TMIGD1: variants seen among roughly 807,000 people sequenced by gnomAD.
The protein encoded by TMIGD1 is transmembrane and immunoglobulin domain containing 1.
TMIGD1 carries 29 observed loss-of-function variants against 27.5 expected under a neutral mutation model. The ratio of observed to expected loss-of-function variants is 1.05; its 90% CI spans 0.78 to 1.44. TMIGD1 has a LOEUF of 1.44. TMIGD1 is among the 40% of genes most tolerant of loss of function. TMIGD1 has a pLI of 0.00. For missense variants in TMIGD1, 334 were observed against 310.6 expected (o/e 1.08, Z -0.57); for synonymous variants, 109 against 110.3 (o/e 0.99, Z 0.07).
intron 6 of TMIGD1, 90 bp downstream of exon 6, chr17:30,317,103 T>A: frequency 7.8e-6 from 11 of 1,415,530 alleles, no homozygotes; most frequent in Non-Finnish European, 1.1e-5. Context: ...TTCCAGCACC[T>A]CCCATCTCTG....
chr17:30,329,153 T>C (rs976543854), intron 3 of TMIGD1, 98 bp downstream of exon 3: 17 of 1,444,770 alleles, frequency 1.2e-5, no homozygotes, highest in South Asian at 5.2e-5. Flanking sequence ...GGAGCATAAA[T>C]TGGGCAATTT....
intron 3 of TMIGD1, among the ~76,000 whole-genome samples, chr17:30,325,560 C>T (rs941604757): frequency 7.7e-6 from 1 of 130,270 alleles, no homozygotes; most frequent in Admixed American, 8.2e-5. Context: ...CTCTGTTTCT[C>T]ATGTAAAAAA....
chr17:30,325,135 A>T (rs768623722), intron 3 of TMIGD1, 41 bp from the exon 4 acceptor site: 2 of 1,566,654 alleles, frequency 1.3e-6, no homozygotes, highest in Non-Finnish European at 1.7e-6. Context: ...GCAGATAAGC[A>T]ATAGTTCACT....
chr17:30,333,526 T>C (rs1172985331), intron 1 of TMIGD1, among the ~76,000 whole-genome samples: 1 of 152,212 alleles, frequency 6.6e-6, no homozygotes, highest in East Asian at 1.9e-4. Flanking sequence ...TCTCTCCCCT[T>C]AACACCAGTA....
At chr17:30,328,968 CAAA>C (rs34701131) in intron 3 of TMIGD1, among the ~76,000 whole-genome samples, 1 of 86,964 alleles carries the variant, frequency 1.1e-5, no homozygotes, top group Non-Finnish European at 2.2e-5. Flanking sequence ...GACTCTGTCT[CAAA>C]AAAAAAAAAA....
intron 1 of TMIGD1, among the ~76,000 whole-genome samples, chr17:30,332,519 T>C (rs544074892): frequency 7.2e-5 from 11 of 152,288 alleles, no homozygotes; most frequent in African/African-American, 2.6e-4. Context: ...AAAGTAATTC[T>C]TGTTCTGAAA....
At position 30,324,956 on chromosome 17, in the gene TMIGD1, CT is replaced by C; in HGVS notation, c.499del (p.Ser167AlafsTer35). The C allele has an allele frequency of 6.2e-7, 1 of 1,614,106 alleles. No homozygotes were observed. Among genetic ancestry groups the C allele is most frequent in the Non-Finnish European group, 8.5e-7 (1 of 1,179,990 alleles). The part of the protein sequence containing the change: ...KNSSLLDLEK[S>X]RHQIQQTSES... ...ACTTGTCTGTTGGATTTGGTGACGG[CT>C]TTTCTCTAAATCGAGGAGACTACTG... On this transcript the variant is annotated frameshift_variant, in exon 4 of 7. Transcript: ENST00000328886. LOFTEE classifies it high-confidence loss of function.
At chr17:30,317,053 A>T (rs1909437379) in intron 6 of TMIGD1, 140 bp downstream of exon 6, 1 of 1,027,878 alleles carries the variant, frequency 9.7e-7, no homozygotes, top group Admixed American at 1.9e-5. Flanking sequence ...GTGGAGGCAG[A>T]TTTTCCTCCA....
At chr17:30,318,663 G>T in intron 5 of TMIGD1, 147 bp downstream of exon 5, 1 of 568,816 alleles carries the variant, frequency 1.8e-6, no homozygotes, top group Non-Finnish European at 3.1e-6. Context: ...TTATTCCCTT[G>T]AGCAACTGTA....
chr17:30,331,045 A>G (rs1476402100), intron 2 of TMIGD1, among the ~76,000 whole-genome samples: 1 of 152,102 alleles, frequency 6.6e-6, no homozygotes, highest in Non-Finnish European at 1.5e-5. Flanking sequence ...ATACAAAAAA[A>G]TTAGCCAGGC....
At chr17:30,319,261 A>AAAAAAAAAAATATATATATATATATATAT in intron 4 of TMIGD1, among the ~76,000 whole-genome samples, 3 of 69,036 alleles carry the variant, frequency 4.3e-5, no homozygotes, top group African/African-American at 1.8e-4. Context: ...AAAAAAAAAA[A>AAAAAAAAAAATATATATATATATATATAT]ATATATATAT....
intron 3 of TMIGD1, 77 bp from the exon 4 acceptor site, chr17:30,325,171 T>C: frequency 1.4e-6 from 2 of 1,458,958 alleles, no homozygotes; most frequent in South Asian, 2.7e-5. Flanking sequence ...CTTCCTTCAA[T>C]CTATCTCATG....
intron 4 of TMIGD1, among the ~76,000 whole-genome samples, chr17:30,319,589 C>A (rs1431832892): frequency 6.6e-6 from 1 of 151,768 alleles, no homozygotes; most frequent in African/African-American, 2.4e-5. Flanking sequence ...TTGCCACACA[C>A]AGAGCAGAAG....
At chr17:30,321,054 C>T (rs531277415) in intron 4 of TMIGD1, among the ~76,000 whole-genome samples, 5 of 152,170 alleles carry the variant, frequency 3.3e-5, no homozygotes, top group Admixed American at 1.3e-4. Flanking sequence ...GACAGTGTTT[C>T]GCCATGTTGG....
intron 4 of TMIGD1, among the ~76,000 whole-genome samples, chr17:30,319,261 A>AATATATATATATATATAT (rs1175035556): frequency 1.2e-3 from 85 of 68,702 alleles, no homozygotes; most frequent in Middle Eastern, 7.0e-3. Context: ...AAAAAAAAAA[A>AATATATATATATATATAT]ATATATATAT....
At position 30,316,345 on chromosome 17, in the gene TMIGD1, TTTG is replaced by T; in HGVS notation, c.*339_*341del. 1 of 195,376 alleles carries T rather than the reference TTTG, an allele frequency of 5.1e-6. No individual in the cohort carries two copies. The highest frequency in any genetic ancestry group is 1.6e-4 in the South Asian group (1 of 6,450). The allele number at this position is 195,376 out of a possible 1,614,324, so 12.1% of individuals were successfully genotyped here. On this transcript the variant is annotated 3_prime_UTR_variant, in exon 7 of 7. Transcript: ENST00000328886. The stretch of plus-strand genomic sequence containing the variant: ...TGTTGTTTCTTCCTTTTTTTTTTTT[TTTG>T]GCTTTGCACCAATTTGTGAGACCCA...
chr17:30,322,804 G>A (rs1442678648), intron 4 of TMIGD1, among the ~76,000 whole-genome samples: 1 of 152,166 alleles, frequency 6.6e-6, no homozygotes, highest in East Asian at 1.9e-4. Flanking sequence ...CTGGCTGACA[G>A]CTCTTATTCT....
chr17:30,318,565 C>T (rs1212826176), intron 5 of TMIGD1, among the ~76,000 whole-genome samples: 1 of 152,170 alleles, frequency 6.6e-6, no homozygotes, highest in African/African-American at 2.4e-5. Flanking sequence ...ATTGCCTACC[C>T]CTGGCAACAC....
rs74350400 is a variant in TMIGD1, at chr17:30,318,600, C to G, written c.744+210G>C. Among the ~76,000 whole-genome samples, 753 of 152,262 alleles carry G rather than the reference C, an allele frequency of 4.9e-3. 5 individuals carry two copies. The highest frequency in any genetic ancestry group is 0.017 in the African/African-American group (710 of 41,538). On this transcript the variant is annotated intron_variant, in intron 5 of 6. Transcript: ENST00000328886. Reference sequence around the variant, plus strand: ...CAGCTATTTTCAATTCAGGCTTTGCCCATGTGCACTTCTCTTCTTTGTAAA... The same window carrying G: ...CAGCTATTTTCAATTCAGGCTTTGCGCATGTGCACTTCTCTTCTTTGTAAA...
Sources: gnomAD v4.1 joint callset for allele counts (sites outside exome capture counted in the v4.1 genomes callset) on GRCh38, gnomAD v4.1.1 for gene constraint, MANE v1.5 for transcripts, NCBI Gene and HGNC (gene_info 2026-07-23, HGNC 2026-07-21) for gene names.